The following NAALADL2 variants were observed in gnomAD, a reference collection of about 807,000 sequenced individuals.
NAALADL2 encodes inactive N-acetylated-alpha-linked acidic dipeptidase-like protein 2.
A neutral mutation model predicts 87.2 loss-of-function variants in NAALADL2; 76 were observed. The observed-to-expected ratio is 0.87, with a 90% CI of 0.72 to 1.05. NAALADL2 has a LOEUF of 1.05. Among genes scored for constraint, NAALADL2 ranks in the 50% least tolerant of loss-of-function variants. NAALADL2 has a pLI of 0.00. For synonymous variants in NAALADL2, 354 were observed against 331.0 expected (o/e 1.07, Z -0.75); for missense variants, 1,089 against 945.8 (o/e 1.15, Z -1.99).
chr3:175,448,266 A>G (rs1721009899), intron 6 of NAALADL2, among the ~76,000 whole-genome samples: 1 of 152,242 alleles, frequency 6.6e-6, no homozygotes. Flanking sequence ...GAAAACAGTA[A>G]TAAGCCAATG....
At chr3:174,980,839 A>G (rs925859712) in intron 1 of NAALADL2, among the ~76,000 whole-genome samples, 2 of 152,110 alleles carry the variant, frequency 1.3e-5, no homozygotes, top group Non-Finnish European at 2.9e-5. Context: ...TATGTCTTAT[A>G]TTCTCAAATT....
chr3:175,142,570 C>T (rs1335019178), intron 2 of NAALADL2, among the ~76,000 whole-genome samples: 1 of 151,958 alleles, frequency 6.6e-6, no homozygotes, highest in Admixed American at 6.6e-5. Context: ...TCTGCATCTA[C>T]AGCCCATCCT....
chr3:174,498,638 T>A (rs188556317), intron 1 of NAALADL2, among the ~76,000 whole-genome samples: 2,417 of 150,332 alleles, frequency 0.016, 64 homozygotes, highest in African/African-American at 0.056. Flanking sequence ...ATATATATAA[T>A]ATATATGTTT....
At chr3:175,474,944 A>C (rs1451484046) in intron 9 of NAALADL2, among the ~76,000 whole-genome samples, 1 of 151,978 alleles carries the variant, frequency 6.6e-6, no homozygotes, top group East Asian at 1.9e-4. Flanking sequence ...GAACATGGTG[A>C]ACTTACTTTA....
intron 5 of NAALADL2, among the ~76,000 whole-genome samples, chr3:175,326,124 A>G (rs1012215930): frequency 1.3e-5 from 2 of 152,212 alleles, no homozygotes; most frequent in Non-Finnish European, 2.9e-5. Flanking sequence ...CTTCTGCCAC[A>G]TAACTTCATT....
chr3:175,456,779 C>T (rs1722383359), intron 6 of NAALADL2, among the ~76,000 whole-genome samples: 1 of 152,094 alleles, frequency 6.6e-6, no homozygotes, highest in African/African-American at 2.4e-5. Context: ...TAAACATTTT[C>T]CATTTTTCCC....
chr3:174,493,522 G>A (rs1005622299), intron 1 of NAALADL2, among the ~76,000 whole-genome samples: 9 of 152,176 alleles, frequency 5.9e-5, no homozygotes, highest in African/African-American at 2.2e-4. Context: ...TCCATTATGA[G>A]AAAATAAATT....
chr3:174,872,138 GA>G (rs1727903629), intron 1 of NAALADL2, among the ~76,000 whole-genome samples: 1 of 152,120 alleles, frequency 6.6e-6, no homozygotes, highest in African/African-American at 2.4e-5. Context: ...TAATATGGGT[GA>G]AAACCTCGTG....
intron 11 of NAALADL2, among the ~76,000 whole-genome samples, chr3:175,651,013 T>C (rs931027471): frequency 2.6e-5 from 4 of 152,184 alleles, no homozygotes; most frequent in Admixed American, 2.6e-4. Context: ...TTGTTGGGAA[T>C]ACAAACAAAA....
chr3:175,371,517 T>C (rs1766498858), intron 5 of NAALADL2, among the ~76,000 whole-genome samples: 1 of 152,136 alleles, frequency 6.6e-6, no homozygotes, highest in Admixed American at 6.5e-5. Flanking sequence ...TTCTGTGTGC[T>C]ACAAAAGTCC....
At chr3:174,458,527 A>C (rs1005350054) in intron 1 of NAALADL2, 2 of 152,216 alleles carry the variant, frequency 1.3e-5, no homozygotes, top group Non-Finnish European at 2.9e-5. Context: ...TCTGAAAGAA[A>C]AGATCAGTAA....
At chr3:174,782,144 C>G (rs920967237) in intron 3 of NAALADL2, among the ~76,000 whole-genome samples, 1 of 152,064 alleles carries the variant, frequency 6.6e-6, no homozygotes, top group Non-Finnish European at 1.5e-5. Context: ...CTTATTCAAG[C>G]TGTTAAAGTG....
chr3:175,002,108 A>G (rs1439722421), intron 1 of NAALADL2, among the ~76,000 whole-genome samples: 1 of 152,152 alleles, frequency 6.6e-6, no homozygotes, highest in Non-Finnish European at 1.5e-5. Flanking sequence ...ACCTATGTGC[A>G]TTGCCCATTA....
intron 2 of NAALADL2, among the ~76,000 whole-genome samples, chr3:174,679,247 A>G (rs928885903): frequency 5.9e-5 from 9 of 152,056 alleles, no homozygotes; most frequent in Non-Finnish European, 1.0e-4. Flanking sequence ...TCTGTGCACT[A>G]CACTGTGGAT....
intron 6 of NAALADL2, among the ~76,000 whole-genome samples, chr3:175,457,102 CCT>C (rs778462433): frequency 3.1e-4 from 47 of 151,900 alleles, no homozygotes; most frequent in South Asian, 6.2e-4. Flanking sequence ...AATTTTTTCC[CCT>C]GTTTGTAATC....
At position 175,465,473 on chromosome 3, in the gene NAALADL2, C is replaced by CTTTTTTTTTTTTTTT. The variant is rs71164634; in HGVS notation, c.1328-1501_1328-1487dup. Among the ~76,000 whole-genome samples the CTTTTTTTTTTTTTTT allele has an allele frequency of 1.7e-4, 18 of 106,734 alleles. 1 individual carries two copies. The highest frequency in any genetic ancestry group is 6.4e-4 in the African/African-American group (17 of 26,444). 70.0% of individuals were successfully genotyped at this position (106,734 alleles called of 152,430 possible). On this transcript the variant is annotated intron_variant, in intron 7 of 13. Coordinates refer to ENST00000454872, the MANE Select transcript of NAALADL2 (RefSeq NM_207015.3). ...ACACTATGTATACCATGAATTAAAT[C>CTTTTTTTTTTTTTTT]TTTTTTTTTTTTTTTTTTTGAGATG...
rs573993242 is a variant in NAALADL2, at chr3:175,382,733, T to C, written c.1090+58408T>C. ...CACTTGCTTGACATTTACCTGTTAT[T>C]ATCTGTCCTTTGTATTATAGCCCTC... On this transcript the variant is annotated intron_variant, in intron 5 of 13. Transcript: ENST00000454872. 8.8e-4 allele frequency among the ~76,000 whole-genome samples: 133 copies of C among 151,842 alleles called. 1 individual carries two copies. The highest frequency in any genetic ancestry group is 3.1e-3 in the African/African-American group (128 of 41,506).
chr3:174,915,562 T>A (rs1229291390), intron 1 of NAALADL2, among the ~76,000 whole-genome samples: 2 of 152,170 alleles, frequency 1.3e-5, no homozygotes, highest in Non-Finnish European at 2.9e-5. Flanking sequence ...AGGTGTATTT[T>A]GTTTAAAAAT....
At chr3:175,069,273 G>A (rs576792354) in intron 1 of NAALADL2, among the ~76,000 whole-genome samples, 1 of 149,562 alleles carries the variant, frequency 6.7e-6, no homozygotes, top group East Asian at 1.9e-4. Context: ...CTGACAAAGG[G>A]CTAATATCCA....
Sources: allele counts gnomAD v4.1 joint callset (sites outside exome capture counted in the v4.1 genomes callset), GRCh38; gene constraint gnomAD v4.1.1; transcripts MANE v1.5; gene names NCBI Gene and HGNC (gene_info 2026-07-23, HGNC 2026-07-21).